Variants in KCNH8 observed in about 807,000 individuals in gnomAD.
KCNH8 encodes voltage-gated delayed rectifier potassium channel KCNH8.
In KCNH8, 70 loss-of-function variants were observed where a neutral mutation model predicts 103.6. The ratio of observed to expected loss-of-function variants is 0.68; its 90% CI spans 0.56 to 0.82. KCNH8 has a LOEUF of 0.82. KCNH8 is among the 40% of genes least tolerant of loss of function. The probability of loss-of-function intolerance (pLI) is 0.00; values close to 1 mark genes in which losing one functional copy is unlikely to be tolerated. For synonymous variants in KCNH8, 498 were observed against 489.4 expected (o/e 1.02, Z -0.23); for missense variants, 1,217 against 1,329.9 (o/e 0.92, Z 1.32).
chr3:19,524,140 C>A (rs780654038), intron 15 of KCNH8, among the ~76,000 whole-genome samples: 1 of 151,794 alleles, frequency 6.6e-6, no homozygotes. Flanking sequence ...ATTCCTTAGT[C>A]CTCTGAATTA....
At chr3:19,514,438 T>C (rs2068838761) in intron 13 of KCNH8, among the ~76,000 whole-genome samples, 1 of 151,940 alleles carries the variant, frequency 6.6e-6, no homozygotes, top group African/African-American at 2.4e-5. Context: ...GAAGAGACTG[T>C]ATTGGAGCTG....
At chr3:19,484,727 G>A (rs2068168146) in intron 11 of KCNH8, among the ~76,000 whole-genome samples, 1 of 152,122 alleles carries the variant, frequency 6.6e-6, no homozygotes, top group Non-Finnish European at 1.5e-5. Context: ...TGATCCACAC[G>A]CGATCACCTG....
intron 4 of KCNH8, among the ~76,000 whole-genome samples, chr3:19,344,309 A>G (rs2065701038): frequency 6.6e-6 from 1 of 152,092 alleles, no homozygotes; most frequent in South Asian, 2.1e-4. Flanking sequence ...TTAGTGGAGA[A>G]TTTAAACATA....
At chr3:19,524,070 G>C (rs1487896274) in intron 15 of KCNH8, among the ~76,000 whole-genome samples, 1 of 151,800 alleles carries the variant, frequency 6.6e-6, no homozygotes, top group Non-Finnish European at 1.5e-5. Flanking sequence ...AGAAGAAACA[G>C]GATACTACTA....
chr3:19,356,400 A>G (rs1256247103), intron 5 of KCNH8, among the ~76,000 whole-genome samples: 1 of 152,000 alleles, frequency 6.6e-6, no homozygotes, highest in Admixed American at 6.6e-5. Context: ...TAGATTTACC[A>G]TAAAGAAAGT....
At chr3:19,325,432 A>C (rs1007262243) in intron 3 of KCNH8, among the ~76,000 whole-genome samples, 20 of 152,182 alleles carry the variant, frequency 1.3e-4, no homozygotes, top group African/African-American at 4.8e-4. Flanking sequence ...ATTTTTTGCA[A>C]ACTATGCATC....
At chr3:19,319,342 T>C (rs2065319223) in intron 3 of KCNH8, among the ~76,000 whole-genome samples, 1 of 152,062 alleles carries the variant, frequency 6.6e-6, no homozygotes, top group South Asian at 2.1e-4. Context: ...GATTTTTGTA[T>C]AAGGTAACAG....
intron 8 of KCNH8, among the ~76,000 whole-genome samples, chr3:19,445,087 G>T (rs967207190): frequency 2.0e-5 from 3 of 151,828 alleles, no homozygotes; most frequent in Non-Finnish European, 4.4e-5. Flanking sequence ...ATTAATAGGA[G>T]AATAAATAAG....
At position 19,347,776 on chromosome 3, in the gene KCNH8, A is replaced by G. The variant is rs2065747711; in HGVS notation, c.622A>G (p.Lys208Glu). 6.2e-7 allele frequency: 1 copy of G among 1,613,066 alleles called. No individual in the cohort carries two copies. The highest frequency in any genetic ancestry group is 1.3e-5 in the African/African-American group (1 of 74,832). Residue 208 changes from lysine (K) to glutamate (E), a missense_variant, in exon 5 of 16, where the codon AAA becomes GAA. This residue lies in a region of KCNH8 where 244 missense variants were observed against 256.8 expected (regional missense o/e 0.95). Coordinates refer to ENST00000328405, the MANE Select transcript of KCNH8 (RefSeq NM_144633.3). ...TCCGGAGTATAAAGTTTCTGATGCA[A>G]AAAAGTCCAAATTCATACTTCTGCA... ...AFPEYKVSDA[K>E]KSKFILLHFS...
intron 3 of KCNH8, among the ~76,000 whole-genome samples, chr3:19,289,323 T>A (rs1460539438): frequency 2.6e-5 from 4 of 152,242 alleles, no homozygotes; most frequent in Admixed American, 6.5e-5. Context: ...CTGAATGGTA[T>A]TGCCTAGGTT....
At chr3:19,202,948 G>A (rs564022079) in intron 1 of KCNH8, among the ~76,000 whole-genome samples, 6 of 152,188 alleles carry the variant, frequency 3.9e-5, no homozygotes, top group African/African-American at 1.4e-4. Flanking sequence ...ATACAAATTT[G>A]CTGAAGAAGT....
intron 5 of KCNH8, among the ~76,000 whole-genome samples, chr3:19,377,338 G>A (rs1006994189): frequency 6.6e-6 from 1 of 152,182 alleles, no homozygotes; most frequent in Non-Finnish European, 1.5e-5. Context: ...GCATTGAGTG[G>A]ATTTGTGCAC....
At chr3:19,513,430 A>G in intron 13 of KCNH8, 105 bp downstream of exon 13, 1 of 1,409,238 alleles carries the variant, frequency 7.1e-7, no homozygotes, top group Non-Finnish European at 9.5e-7. Context: ...ACAGATTCCT[A>G]GCCTGGAATC....
chr3:19,245,194 C>T lies in KCNH8; in HGVS notation c.77-8460C>T, dbSNP rs536878812. 5.5e-4 allele frequency among the ~76,000 whole-genome samples: 83 copies of T among 152,280 alleles called. 1 individual carries two copies. The highest frequency in any genetic ancestry group is 2.0e-3 in the African/African-American group (83 of 41,560). On this transcript the variant is annotated intron_variant, in intron 1 of 15. Coordinates refer to ENST00000328405, the MANE Select transcript of KCNH8 (RefSeq NM_144633.3). ...GCATATGGCTAACCAGTTATCTTAG[C>T]ACCATTTATTAAATAGGGGAGTCCC...
At chr3:19,272,631 T>C (rs2064605049) in intron 2 of KCNH8, among the ~76,000 whole-genome samples, 1 of 152,120 alleles carries the variant, frequency 6.6e-6, no homozygotes, top group Admixed American at 6.5e-5. Flanking sequence ...GGTCTTCTCA[T>C]AGTTTGCTTC....
chr3:19,521,251 G>GCATAAAA (rs2068966236), intron 15 of KCNH8, among the ~76,000 whole-genome samples: 1 of 151,962 alleles, frequency 6.6e-6, no homozygotes. Flanking sequence ...CAGGCAGAAG[G>GCATAAAA]CATAAAACAC....
intron 11 of KCNH8, among the ~76,000 whole-genome samples, chr3:19,488,250 G>A (rs1427294379): frequency 6.6e-6 from 1 of 152,344 alleles, no homozygotes; most frequent in East Asian, 1.9e-4. Context: ...CGATTAGACT[G>A]GGTATTCTTC....
chr3:19,324,285 G>T (rs1384996796), intron 3 of KCNH8, among the ~76,000 whole-genome samples: 1 of 152,076 alleles, frequency 6.6e-6, no homozygotes, highest in Non-Finnish European at 1.5e-5. Context: ...CACATGGCTG[G>T]GGAGGCCTCG....
At chr3:19,473,648 T>C (rs544998724) in intron 11 of KCNH8, among the ~76,000 whole-genome samples, 54 of 152,368 alleles carry the variant, frequency 3.5e-4, no homozygotes, top group African/African-American at 1.3e-3. Context: ...GACTGTTTCA[T>C]TCTTGTAAGA....
Sources: allele counts gnomAD v4.1 joint callset (sites outside exome capture counted in the v4.1 genomes callset), GRCh38; gene constraint gnomAD v4.1.1; regional missense constraint gnomAD v4.1.1; transcripts MANE v1.5; gene names NCBI Gene and HGNC (gene_info 2026-07-23, HGNC 2026-07-21).